The following RBBP8 variants were observed in gnomAD, a reference collection of about 807,000 sequenced individuals.
RBBP8 encodes the protein DNA endonuclease RBBP8.
In RBBP8, 88 loss-of-function variants were observed where a neutral mutation model predicts 108.3. The ratio of observed to expected loss-of-function variants is 0.81; its 90% CI spans 0.68 to 0.97. RBBP8 has a LOEUF of 0.97. Among genes scored for constraint, RBBP8 ranks in the 50% least tolerant of loss-of-function variants. The pLI is 0.00. For missense variants in RBBP8, 1,023 were observed against 1,049.0 expected (o/e 0.98, Z 0.34); for synonymous variants, 332 against 348.2 (o/e 0.95, Z 0.52).
At chr18:22,923,125 TAC>T (rs1355913484) in intron 3 of RBBP8, among the ~76,000 whole-genome samples, 11 of 152,172 alleles carry the variant, frequency 7.2e-5, no homozygotes, top group African/African-American at 1.2e-4. Flanking sequence ...CTTACATTGT[TAC>T]AGTTTCTTAC....
chr18:23,013,154 G>A (rs568274184), intron 16 of RBBP8, among the ~76,000 whole-genome samples: 1 of 152,104 alleles, frequency 6.6e-6, no homozygotes, highest in East Asian at 1.9e-4. Context: ...AAATAGAGCT[G>A]ATTCACTGAG....
In RBBP8 at chr18:23,012,207, C is replaced by CAAAAAAAAAAA. The variant is rs368600707; in HGVS notation, c.2358-4621_2358-4620insAAAAAAAAAAA. Among the ~76,000 whole-genome samples the CAAAAAAAAAAA allele has an allele frequency of 2.2e-4, 18 of 81,176 alleles. 5 individuals are homozygous for CAAAAAAAAAAA. Among genetic ancestry groups the CAAAAAAAAAAA allele is most frequent in the Middle Eastern group, 0.021 (1 of 48 alleles). 53.3% of individuals were successfully genotyped at this position (81,176 alleles called of 152,430 possible). On this transcript the variant is annotated intron_variant, in intron 16 of 18. Coordinates refer to ENST00000327155, the MANE Select transcript of RBBP8 (RefSeq NM_002894.3). ...TGGGAGACAAAGTGAGATGCTGTCTCCAAAAAAAAAAAAAAAAAAAAAAAC... is the reference window on the plus strand; with the variant it reads ...TGGGAGACAAAGTGAGATGCTGTCTCAAAAAAAAAAACAAAAAAAAAAAAAAAAAAAAAAAC...
intron 5 of RBBP8, among the ~76,000 whole-genome samples, chr18:22,973,273 C>A (rs1914253420): frequency 6.6e-6 from 1 of 152,054 alleles, no homozygotes; most frequent in African/African-American, 2.4e-5. Flanking sequence ...TTAAATAATT[C>A]AGAAATTTTT....
chr18:23,009,620 G>A (rs1011309452), intron 16 of RBBP8, among the ~76,000 whole-genome samples: 3 of 151,112 alleles, frequency 2.0e-5, no homozygotes, highest in East Asian at 3.9e-4. Flanking sequence ...GTCTATTCTT[G>A]GCCTCTATAT....
At chr18:22,969,817 AT>A (rs147064080) in intron 5 of RBBP8, among the ~76,000 whole-genome samples, 413 of 152,272 alleles carry the variant, frequency 2.7e-3, no homozygotes, top group African/African-American at 9.5e-3. Context: ...ACTTTAGACT[AT>A]GTCTTGGAAG....
chr18:22,914,737 C>T (rs955670680), intron 1 of RBBP8, among the ~76,000 whole-genome samples: 3 of 152,016 alleles, frequency 2.0e-5, no homozygotes, highest in Non-Finnish European at 4.4e-5. Context: ...AAGCATTGGC[C>T]GGCTGGTGAT....
At chr18:22,963,053 A>G (rs991081916) in intron 4 of RBBP8, among the ~76,000 whole-genome samples, 1 of 152,214 alleles carries the variant, frequency 6.6e-6, no homozygotes, top group Non-Finnish European at 1.5e-5. Context: ...AAGAACAGAC[A>G]TTTATTCAGA....
chr18:23,003,337 C>G (rs1165036204), intron 15 of RBBP8, among the ~76,000 whole-genome samples: 1 of 152,176 alleles, frequency 6.6e-6, no homozygotes, highest in African/African-American at 2.4e-5. Flanking sequence ...TTATTTTTCC[C>G]AGTCACCCAG....
chr18:22,972,620 G>T (rs1914197142), intron 5 of RBBP8, among the ~76,000 whole-genome samples: 1 of 151,870 alleles, frequency 6.6e-6, no homozygotes, highest in African/African-American at 2.4e-5. Flanking sequence ...TGCCATGTTG[G>T]CCAGGCTGGC....
chr18:23,022,387 G>A lies in RBBP8; in HGVS notation c.2596+117G>A, dbSNP rs535063737. On this transcript the variant is annotated intron_variant, in intron 18 of 18. Transcript: ENST00000327155. ...AGGCCAAGGTGGGTGGATCACCTGA[G>A]GTCAGGAGTTCAAGACCAGCCTGGC... The A allele has an allele frequency of 1.3e-5, 13 of 986,618 alleles. No individual in the cohort carries two copies. In the African/African-American group the frequency reaches 2.0e-4, roughly 15 times the overall value. 61.1% of individuals were successfully genotyped at this position (986,618 alleles called of 1,614,324 possible).
At position 22,933,575 on chromosome 18, in the gene RBBP8, GCAATCTCTTTAC is replaced by G. The variant is rs1208424517; in HGVS notation, c.-99+13_-99+24del. On this transcript the variant is annotated intron_variant, in intron 1 of 18. Coordinates refer to ENST00000327155, the MANE Select transcript of RBBP8 (RefSeq NM_002894.3). The stretch of plus-strand genomic sequence containing the variant: ...GCAATCTCGGAGGCGGTGAGTAAAA[GCAATCTCTTTAC>G]CCCACCCGGAGCTCTGGGTCGGAGC... The G allele has an allele frequency of 2.6e-5, 4 of 153,078 alleles. No individual in the cohort carries two copies. In the South Asian group the frequency reaches 8.2e-4, roughly 31 times the overall value. The allele number at this position is 153,078 out of a possible 1,614,324, so 9.5% of individuals were successfully genotyped here. A position where few individuals can be genotyped will look rare whatever the true frequency, so the allele number is the denominator to read the frequency against.
intron 6 of RBBP8, among the ~76,000 whole-genome samples, chr18:22,978,907 A>G (rs1193578792): frequency 6.6e-6 from 1 of 152,226 alleles, no homozygotes; most frequent in Non-Finnish European, 1.5e-5. Context: ...ATCATTCTAC[A>G]CTGTAAACAT....
intron 12 of RBBP8, 76 bp downstream of exon 12, chr18:22,993,923 G>C (rs2045798149): frequency 7.0e-7 from 1 of 1,431,952 alleles, no homozygotes; most frequent in Non-Finnish European, 9.6e-7. Flanking sequence ...TTTTTAAATA[G>C]ATTGAATTGT....
In RBBP8 at chr18:23,001,679, A is replaced by G. The variant is rs1598730645; in HGVS notation, c.2237A>G (p.Gln746Arg). The change falls in exon 15 of 19, where the codon CAA (glutamine) becomes CGA (arginine). Residue 746 changes from glutamine to arginine, a missense_variant. Physicochemically the swap from Gln to Arg is conservative, Grantham distance 43. Coordinates refer to ENST00000327155, the MANE Select transcript of RBBP8 (RefSeq NM_002894.3). ...TCCTGTTTGGCAGACAGTTTCTCCC[A>G]AGCAGCAGATGAAGAGGAGGAATTG... is the stretch of plus-strand genomic sequence containing the variant. The part of the protein sequence containing the change: ...YESCLADSFS[Q>R]AADEEEELST... 1 of 1,614,142 alleles carries G rather than the reference A, an allele frequency of 6.2e-7. No individual in the cohort carries two copies. Among genetic ancestry groups the G allele is most frequent in the Admixed American group, 1.7e-5 (1 of 60,026 alleles).
Position 22,993,092 on chromosome 18 carries a change from C to G in RBBP8, c.1265C>G (p.Thr422Ser), listed in dbSNP as rs1489647997. 1.2e-6 allele frequency: 2 copies of G among 1,613,882 alleles called. No individual in the cohort carries two copies. Among genetic ancestry groups the G allele is most frequent in the East Asian group, 4.5e-5 (2 of 44,870 alleles). ...ISESLGEQNRTEYGKDSNTDK... is the reference protein window; with the variant it reads ...ISESLGEQNRSEYGKDSNTDK... ...GAATCCCTAGGTGAACAGAATAGGA[C>G]TGAGTACGGTAAAGATTCTAACACT... Residue 422 changes from threonine to serine, a missense_variant, in exon 11 of 19, where the codon ACT (threonine) becomes AGT (serine). Physicochemically the swap from Thr to Ser is moderately conservative, Grantham distance 58. Transcript: ENST00000327155.
chr18:23,025,784 A>G (rs961075132), intron 18 of RBBP8, among the ~76,000 whole-genome samples: 3 of 152,222 alleles, frequency 2.0e-5, no homozygotes, highest in African/African-American at 7.2e-5. Context: ...GGAATAAGAA[A>G]GAGCTTGGGC....
chr18:22,995,787 GTATT>G (rs2045846325), intron 12 of RBBP8, among the ~76,000 whole-genome samples: 1 of 151,864 alleles, frequency 6.6e-6, no homozygotes, highest in Admixed American at 6.6e-5. Context: ...CATATTTTAG[GTATT>G]TATTAGCTGA....
intron 15 of RBBP8, among the ~76,000 whole-genome samples, chr18:23,005,791 A>G (rs922449627): frequency 6.6e-6 from 1 of 152,092 alleles, no homozygotes; most frequent in African/African-American, 2.4e-5. Flanking sequence ...TTTCTTTTAT[A>G]CTCTAAAATA....
chr18:23,004,533 G>C (rs1394825968), intron 15 of RBBP8: 1 of 152,168 alleles, frequency 6.6e-6, no homozygotes, highest in Non-Finnish European at 1.5e-5. Context: ...GCCAAAGGTG[G>C]GTTAATTGGT....
Sources: gnomAD v4.1 joint callset for allele counts (sites outside exome capture counted in the v4.1 genomes callset) on GRCh38, gnomAD v4.1.1 for gene constraint, MANE v1.5 for transcripts, NCBI Gene and HGNC (gene_info 2026-07-23, HGNC 2026-07-21) for gene names.